DOCK7: variants seen among roughly 807,000 people sequenced by gnomAD.
DOCK7 encodes the protein dedicator of cytokinesis 7.
A neutral mutation model predicts 271.0 loss-of-function variants in DOCK7; 138 were observed. That is an observed-to-expected ratio of 0.51 (90% CI 0.44 to 0.59). DOCK7 has a LOEUF of 0.59. Among genes scored for constraint, DOCK7 ranks in the 20% least tolerant of loss-of-function variants. The pLI is 0.00. For synonymous variants in DOCK7, 823 were observed against 876.1 expected, an observed-to-expected ratio of 0.94 and a Z score of 1.07; for missense variants, 2,066 against 2,592.4, an observed-to-expected ratio of 0.80 and a Z score of 4.41.
rs562524100 is a variant in DOCK7, at chr1:62,654,116, T to C, written c.188A>G (p.Tyr63Cys). The change falls in exon 3 of 50, where the codon TAC (tyrosine) becomes TGC (cysteine). Residue 63 changes from tyrosine to cysteine, a missense_variant. By Grantham distance (194) the Tyr-to-Cys change is radical. Transcript: ENST00000635253. ...CACAGCCAAAGGATGAGTAATGAGGTAATCTTCCAAATCCACTGGATCTAC... is the reference window on the plus strand; with the variant it reads ...CACAGCCAAAGGATGAGTAATGAGGCAATCTTCCAAATCCACTGGATCTAC... Reference protein sequence around the residue: ...EAVDPVDLEDYLITHPLAVDS... With the variant: ...EAVDPVDLEDCLITHPLAVDS... The C allele has an allele frequency of 3.7e-6, 6 of 1,613,768 alleles. No individual in the cohort carries two copies. In the African/African-American group the frequency reaches 5.3e-5, roughly 14 times the overall value.
At chr1:62,563,010 G>A (rs1422817954) in intron 18 of DOCK7, among the ~76,000 whole-genome samples, 2 of 152,100 alleles carry the variant, frequency 1.3e-5, no homozygotes, top group Non-Finnish European at 2.9e-5. Context: ...AAAGAAGACA[G>A]AGTTGAGAAT....
chr1:62,608,879 G>C (rs1651387725), intron 14 of DOCK7: 1 of 151,968 alleles, frequency 6.6e-6, no homozygotes, highest in Non-Finnish European at 1.5e-5. Flanking sequence ...TTTAGAAATG[G>C]TATTCATTAA....
intron 18 of DOCK7, among the ~76,000 whole-genome samples, 177 bp from the exon 19 acceptor site, chr1:62,561,880 T>C (rs1010730762): frequency 6.6e-6 from 1 of 151,890 alleles, no homozygotes; most frequent in African/African-American, 2.4e-5. Flanking sequence ...CAATGTTTTC[T>C]ACAAAAGAAC....
chr1:62,506,546 C>G (rs562262831), intron 35 of DOCK7, among the ~76,000 whole-genome samples: 29 of 151,932 alleles, frequency 1.9e-4, no homozygotes, highest in Non-Finnish European at 3.4e-4. Context: ...TCTTGGCTCA[C>G]TGCAACCTCC....
In DOCK7 at chr1:62,577,281, T is replaced by C. The variant is rs1372634536; in HGVS notation, c.2093A>G (p.Tyr698Cys). 6.3e-7 allele frequency: 1 copy of C among 1,588,270 alleles called. No homozygotes were observed. The highest frequency in any genetic ancestry group is 1.2e-5 in the South Asian group (1 of 84,746). The change falls in exon 18 of 50, where the codon TAT becomes TGT. Residue 698 changes from tyrosine (Y) to cysteine (C), a missense_variant. This residue lies in a region of DOCK7 where 1,414 missense variants were observed against 1,670.4 expected (regional missense o/e 0.85). Transcript: ENST00000635253. ...PVSLEKPPQA[Y>C]SVLSPEVPLP... ...ACTGACCTCAGGAGACAGTACAGAA[T>C]AAGCCTGTGGTGGTTTTTCCAATGA...
At chr1:62,599,645 A>G (rs1045404353) in intron 14 of DOCK7, among the ~76,000 whole-genome samples, 1 of 152,114 alleles carries the variant, frequency 6.6e-6, no homozygotes, top group Non-Finnish European at 1.5e-5. Context: ...TCCAGAATAT[A>G]GAATACTGTA....
chr1:62,597,568 T>G, intron 14 of DOCK7: 1 of 1,612,422 alleles, frequency 6.2e-7, no homozygotes, highest in South Asian at 1.1e-5. Context: ...AAGATAAAAA[T>G]GTTCACAATT....
intron 2 of DOCK7, among the ~76,000 whole-genome samples, chr1:62,655,569 C>T (rs139348653): frequency 6.6e-6 from 1 of 151,786 alleles, no homozygotes; most frequent in Non-Finnish European, 1.5e-5. Context: ...GGATTACAGG[C>T]GTGAGCTACC....
chr1:62,675,709 C>T (rs1238013376), intron 1 of DOCK7, among the ~76,000 whole-genome samples: 10 of 151,698 alleles, frequency 6.6e-5, no homozygotes, highest in African/African-American at 1.2e-4. Context: ...GGTGTGAACC[C>T]GGGAAGTGGA....
intron 29 of DOCK7, among the ~76,000 whole-genome samples, chr1:62,533,803 C>T (rs1243026841): frequency 1.3e-5 from 2 of 152,126 alleles, no homozygotes. Flanking sequence ...TTTATTCATT[C>T]AATAAATATA....
intron 44 of DOCK7, among the ~76,000 whole-genome samples, chr1:62,476,740 T>C (rs956652891): frequency 2.0e-5 from 3 of 152,222 alleles, no homozygotes; most frequent in African/African-American, 7.2e-5. Context: ...AGGATGAAGC[T>C]ATTCAAAAGG....
chr1:62,544,457 A>C (rs1009162945), intron 23 of DOCK7, among the ~76,000 whole-genome samples: 1 of 152,196 alleles, frequency 6.6e-6, no homozygotes, highest in African/African-American at 2.4e-5. Context: ...TAGCACGGGG[A>C]TCATATACTG....
At chr1:62,562,233 C>CTTTTTTTTTTT (rs59893499) in intron 18 of DOCK7, among the ~76,000 whole-genome samples, 5,489 of 120,634 alleles carry the variant, frequency 0.046, 522 homozygotes, top group Admixed American at 0.055. Context: ...GATCCAAAAA[C>CTTTTTTTTTTT]TTTTTTTTTT....
intron 1 of DOCK7, among the ~76,000 whole-genome samples, chr1:62,680,369 C>T (rs1660979961): frequency 6.6e-6 from 1 of 152,156 alleles, no homozygotes; most frequent in Non-Finnish European, 1.5e-5. Flanking sequence ...CTTCCTTACA[C>T]CTTATACAAA....
chr1:62,620,325 AT>A lies in DOCK7; in HGVS notation c.1426-333del, dbSNP rs771003000. 1.8e-3 allele frequency among the ~76,000 whole-genome samples: 251 copies of A among 140,610 alleles called. 3 individuals carry two copies. Among genetic ancestry groups the A allele is most frequent in the African/African-American group, 5.0e-3 (195 of 39,170 alleles). The allele number at this position is 140,610 out of a possible 152,430, so 92.2% of individuals were successfully genotyped here. A position where few individuals can be genotyped will look rare whatever the true frequency, so the allele number is the denominator to read the frequency against. On this transcript the variant is annotated intron_variant, in intron 12 of 49. Coordinates refer to ENST00000635253, the MANE Select transcript of DOCK7 (RefSeq NM_001367561.1). ...GCAAGACTCTGTCTCAAAAATAAAAATAAATAAATAAATAAATAAAGATATA... is the reference window on the plus strand; with the variant it reads ...GCAAGACTCTGTCTCAAAAATAAAAAAAATAAATAAATAAATAAAGATATA...
chr1:62,496,325 G>A lies in DOCK7; in HGVS notation c.4923+14C>T, dbSNP rs369259322. 7 of 1,610,360 alleles carry A rather than the reference G, an allele frequency of 4.3e-6. No homozygotes were observed. Among genetic ancestry groups the A allele is most frequent in the East Asian group, 2.2e-5 (1 of 44,692 alleles). On this transcript the variant is annotated intron_variant, in intron 38 of 49. Coordinates refer to ENST00000635253, the MANE Select transcript of DOCK7 (RefSeq NM_001367561.1). The stretch of plus-strand genomic sequence containing the variant: ...CCTATTTCAATTAATGATCTAGAAA[G>A]CAGCATTTCTGACCTGATCAGGAAA...
chr1:62,651,928 A>G (rs978602689), intron 4 of DOCK7, among the ~76,000 whole-genome samples: 5 of 152,088 alleles, frequency 3.3e-5, no homozygotes, highest in African/African-American at 1.2e-4. Context: ...CCCAGCCCAT[A>G]TCCAGTGGTT....
At chr1:62,515,222 G>A (rs923853836) in intron 31 of DOCK7, among the ~76,000 whole-genome samples, 7 of 150,936 alleles carry the variant, frequency 4.6e-5, no homozygotes, top group Non-Finnish European at 5.9e-5. Flanking sequence ...TGTGGCTCCC[G>A]AGACACAAGC....
At chr1:62,480,379 C>T (rs1209634887) in intron 43 of DOCK7, among the ~76,000 whole-genome samples, 2 of 152,134 alleles carry the variant, frequency 1.3e-5, no homozygotes, top group African/African-American at 2.4e-5. Context: ...TTATGTTAGC[C>T]ACTGTTCATC....
Sources: gnomAD v4.1 joint callset for allele counts (sites outside exome capture counted in the v4.1 genomes callset) on GRCh38, gnomAD v4.1.1 for gene constraint, gnomAD v4.1.1 regional missense constraint, MANE v1.5 for transcripts, NCBI Gene and HGNC (gene_info 2026-07-23, HGNC 2026-07-21) for gene names.